Variants in TSPAN15 observed in about 807,000 individuals in gnomAD.
TSPAN15 encodes the protein tetraspanin-15.
A neutral mutation model predicts 34.5 loss-of-function variants in TSPAN15; 20 were observed. That is an observed-to-expected ratio of 0.58 (90% CI 0.41 to 0.84). The LOEUF is 0.84. TSPAN15 is among the 40% of genes least tolerant of loss of function. The pLI, the probability that TSPAN15 is intolerant of heterozygous loss-of-function variation, is 0.00. For missense variants in TSPAN15, 313 were observed against 386.1 expected (o/e 0.81, Z 1.59); for synonymous variants, 155 against 153.9 (o/e 1.01, Z -0.05).
chr10:69,493,890 C>T (rs59528959), intron 3 of TSPAN15, among the ~76,000 whole-genome samples: 2,590 of 152,318 alleles, frequency 0.017, 76 homozygotes, highest in African/African-American at 0.06. Flanking sequence ...GCTGGGATTA[C>T]AGGCATGAGC....
the TSPAN15 span, among the ~76,000 whole-genome samples, chr10:69,541,893 G>A: frequency 3.9e-5 from 6 of 152,228 alleles, no homozygotes; most frequent in African/African-American, 9.7e-5. Flanking sequence ...TCTGATGGGA[G>A]GGGCTGCTGT....
At chr10:69,541,981 A>C in the TSPAN15 span, among the ~76,000 whole-genome samples, 1 of 152,206 alleles carries the variant, frequency 6.6e-6, no homozygotes, top group Non-Finnish European at 1.5e-5. Flanking sequence ...TACTTATGCA[A>C]ATTTCTGCAA....
chr10:69,531,637 A>G, the TSPAN15 span, among the ~76,000 whole-genome samples: 2 of 152,334 alleles, frequency 1.3e-5, no homozygotes, highest in East Asian at 3.9e-4. Context: ...ATTGTAAGAA[A>G]AAAGAGAATA....
At chr10:69,456,653 C>G (rs1010314958) in intron 1 of TSPAN15, among the ~76,000 whole-genome samples, 1 of 152,168 alleles carries the variant, frequency 6.6e-6, no homozygotes, top group African/African-American at 2.4e-5. Context: ...GTGCTGAAGG[C>G]TGTGACCCTG....
At position 69,495,528 on chromosome 10, in the gene TSPAN15, G is replaced by A. The variant is rs905115741; in HGVS notation, c.358-66G>A. 38 of 1,246,562 alleles carry A rather than the reference G, an allele frequency of 3.0e-5. No individual in the cohort carries two copies. The African/African-American group carries it at 5.2e-4, about 17-fold the overall frequency. The allele number at this position is 1,246,562 out of a possible 1,614,324, so 77.2% of individuals were successfully genotyped here. A position where few individuals can be genotyped will look rare whatever the true frequency, so the allele number is the denominator to read the frequency against. ...CATTCTCTACCCATCCAGGCTTCTG[G>A]AAAACCTTGGGTTGGACTCCGGGAG... On this transcript the variant is annotated intron_variant, in intron 3 of 7. Coordinates refer to ENST00000373290, the MANE Select transcript of TSPAN15 (RefSeq NM_012339.5).
chr10:69,501,396 G>C (rs1842205393), intron 5 of TSPAN15, among the ~76,000 whole-genome samples: 1 of 152,208 alleles, frequency 6.6e-6, no homozygotes, highest in South Asian at 2.1e-4. Context: ...GAGTCTCCCT[G>C]TGCCACCACA....
intron 3 of TSPAN15, among the ~76,000 whole-genome samples, chr10:69,485,746 GGTGTACACAGGGGCCC>G (rs1461183099): frequency 6.9e-6 from 1 of 145,954 alleles, no homozygotes; most frequent in African/African-American, 2.6e-5. Context: ...AAGAGTTGAG[GGTGTACACAGGGGCCC>G]AACTGGGAGG....
At chr10:69,544,818 C>G in the TSPAN15 span, among the ~76,000 whole-genome samples, 433 of 152,292 alleles carry the variant, frequency 2.8e-3, 2 homozygotes, top group African/African-American at 9.7e-3. Flanking sequence ...TCCCCTTCGA[C>G]TCGGGAGGAA....
At chr10:69,492,979 G>A in intron 3 of TSPAN15, among the ~76,000 whole-genome samples, 1 of 152,182 alleles carries the variant, frequency 6.6e-6, no homozygotes, top group Non-Finnish European at 1.5e-5. Context: ...CCCTGACCCT[G>A]GCGGCACCCC....
rs778997740 is a variant in TSPAN15, at chr10:69,506,180, C to G, written c.675C>G (p.Ile225Met). Residue 225 changes from isoleucine to methionine, a missense_variant, in exon 7 of 8, where the codon ATC (isoleucine) becomes ATG (methionine). By Grantham distance (10) the Ile-to-Met change is conservative. Coordinates refer to ENST00000373290, the MANE Select transcript of TSPAN15 (RefSeq NM_012339.5). This position sits in a 1 kb window ranked among gnomAD's most constrained non-coding sequence, Gnocchi z 4.7. ...GGGGCTGCACCAACGCCGTGATCAT[C>G]TGGTTCATGGACAACTACACCATCA... ...YVRGCTNAVI[I>M]WFMDNYTIMA... 1 of 1,614,244 alleles carries G rather than the reference C, an allele frequency of 6.2e-7. No individual in the cohort carries two copies. Among genetic ancestry groups the G allele is most frequent in the South Asian group, 1.1e-5 (1 of 91,086 alleles).
intron 2 of TSPAN15, among the ~76,000 whole-genome samples, chr10:69,484,246 G>T (rs1841801532): frequency 6.6e-6 from 1 of 152,190 alleles, no homozygotes; most frequent in Admixed American, 6.5e-5. Flanking sequence ...GCGCCACTGG[G>T]CAGGGTTGGG....
At chr10:69,530,779 ACTCT>A in the TSPAN15 span, among the ~76,000 whole-genome samples, 230 of 49,878 alleles carry the variant, frequency 4.6e-3, 5 homozygotes, top group South Asian at 5.7e-3. Context: ...ACAGAGTGAG[ACTCT>A]CTCTCTCTCT....
In TSPAN15 at chr10:69,506,172, G is replaced by T. The variant is rs762843545; in HGVS notation, c.667G>T (p.Val223Leu). The T allele has an allele frequency of 1.2e-6, 2 of 1,614,218 alleles. No homozygotes were observed. Among genetic ancestry groups the T allele is most frequent in the South Asian group, 1.1e-5 (1 of 91,088 alleles). Reference sequence around the variant, plus strand: ...CTACGTGCGGGGCTGCACCAACGCCGTGATCATCTGGTTCATGGACAACTA... The same window carrying T: ...CTACGTGCGGGGCTGCACCAACGCCTTGATCATCTGGTTCATGGACAACTA... ...VIYVRGCTNA[V>L]IIWFMDNYTI... The change falls in exon 7 of 8, where the codon GTG becomes TTG. Residue 223 changes from valine to leucine, a missense_variant. Transcript: ENST00000373290. The surrounding 1 kb of genome is among the most constrained non-coding windows in gnomAD (Gnocchi z 4.7).
the TSPAN15 span, among the ~76,000 whole-genome samples, chr10:69,538,494 G>A: frequency 6.6e-6 from 1 of 152,216 alleles, no homozygotes; most frequent in Non-Finnish European, 1.5e-5. Context: ...CCACTTACTA[G>A]CTACAGTGGC....
intron 1 of TSPAN15, among the ~76,000 whole-genome samples, chr10:69,451,961 G>A (rs1276306230): frequency 2.6e-5 from 4 of 152,258 alleles, no homozygotes; most frequent in African/African-American, 9.6e-5. Context: ...TGCCCGCTGT[G>A]CGTCCGCTGG....
the TSPAN15 span, among the ~76,000 whole-genome samples, chr10:69,522,163 C>T: frequency 6.8e-6 from 1 of 146,518 alleles, no homozygotes; most frequent in Non-Finnish European, 1.5e-5. Context: ...GAGTTTGAAA[C>T]CAGCTGGACA....
rs745741987 is a variant in TSPAN15 at position 69,483,807 on chromosome 10, C to A, written c.213C>A (p.Val71=). The A allele has an allele frequency of 6.2e-7, 1 of 1,614,198 alleles. No homozygotes were observed. Among genetic ancestry groups the A allele is most frequent in the East Asian group, 2.2e-5 (1 of 44,868 alleles). The change falls in exon 2 of 8, where the codon GTC becomes GTA. Residue 71 remains valine, a synonymous_variant. Coordinates refer to ENST00000373290, the MANE Select transcript of TSPAN15 (RefSeq NM_012339.5). ...APAIILILLG[V]VMFMVSFIGV... ...CCATCATCCTCATCCTCCTGGGCGT[C>A]GTCATGTTCATGGTCTCCTTCATTG... is the stretch of plus-strand genomic sequence containing the variant.
chr10:69,469,053 A>ACTGTTCAGC (rs1554831901), intron 1 of TSPAN15, among the ~76,000 whole-genome samples: 2 of 134,972 alleles, frequency 1.5e-5, no homozygotes, highest in East Asian at 2.7e-4. Context: ...AGAGGGCTGG[A>ACTGTTCAGC]CAGAAAGGGT....
the TSPAN15 span, among the ~76,000 whole-genome samples, chr10:69,544,402 A>C: frequency 2.6e-5 from 4 of 152,100 alleles, no homozygotes; most frequent in Non-Finnish European, 5.9e-5. Flanking sequence ...GGTGGGAGTG[A>C]TGGGATGGTG....
Sources: allele counts gnomAD v4.1 joint callset (sites outside exome capture counted in the v4.1 genomes callset), GRCh38; gene constraint gnomAD v4.1.1; non-coding constraint Gnocchi (gnomAD v3.1); transcripts MANE v1.5; gene names NCBI Gene and HGNC (gene_info 2026-07-23, HGNC 2026-07-21).